Variants in CSF1R observed in about 807,000 individuals in gnomAD.
CSF1R encodes the protein colony stimulating factor 1 receptor.
A neutral mutation model predicts 110.0 loss-of-function variants in CSF1R; 40 were observed. That is an observed-to-expected ratio of 0.36 (90% CI 0.28 to 0.47). The LOEUF is 0.47. Ranked by LOEUF, CSF1R falls within the 20% of genes least tolerant of loss-of-function variation. The pLI is 0.99. For synonymous variants in CSF1R, 523 were observed against 503.4 expected (o/e 1.04, Z -0.52); for missense variants, 1,052 against 1,253.0 (o/e 0.84, Z 2.42).
chr5:150,057,197 C>T, intron 16 of CSF1R, 90 bp downstream of exon 16: 2 of 1,101,046 alleles, frequency 1.8e-6, no homozygotes, highest in Non-Finnish European at 2.7e-6. Flanking sequence ...CCCTCACAGG[C>T]TCCCGTTTCC....
chr5:150,103,698 C>A (rs1283126065), intron 1 of CSF1R, among the ~76,000 whole-genome samples: 1 of 152,164 alleles, frequency 6.6e-6, no homozygotes, highest in East Asian at 1.9e-4. Flanking sequence ...GGAGGAGCAG[C>A]AACCCTTCAG....
At position 150,070,496 on chromosome 5, in the gene CSF1R, T is replaced by A; in HGVS notation, c.1158A>T (p.Pro386=). 1 of 1,558,114 alleles carries A rather than the reference T, an allele frequency of 6.4e-7. No individual in the cohort carries two copies. The highest frequency in any genetic ancestry group is 8.7e-7 in the Non-Finnish European group (1 of 1,151,016). Residue 386 remains proline, a synonymous_variant, in exon 7 of 21, where the codon CCA becomes CCT. Coordinates refer to ENST00000675795, the MANE Select transcript of CSF1R (RefSeq NM_001288705.3). ...AGRYSFLARN[P]GGWRALTFEL... ...CAAACGTCAGAGCTCTCCAGCCTCC[T>A]GGGTTTCTGGCCAGGAAGGAGTAGC...
intron 6 of CSF1R, among the ~76,000 whole-genome samples, chr5:150,071,252 C>T (rs1172463100): frequency 6.6e-6 from 1 of 152,190 alleles, no homozygotes; most frequent in Non-Finnish European, 1.5e-5. Context: ...CAATAAAAAT[C>T]ATCTTTGGCT....
Position 150,061,455 on chromosome 5 carries a change from CCCCCATCCCTTCCCTCAT to C in CSF1R, c.1858+18_1858+35del. ...CCAGCCCACCCCCAGCATCTACCAC[CCCCCATCCCTTCCCTCAT>C]CCCCTCCCCTCACTCACACTTCAGC... is the stretch of plus-strand genomic sequence containing the variant. On this transcript the variant is annotated intron_variant, in intron 12 of 20. Transcript: ENST00000675795. 1 of 889,460 alleles carries C rather than the reference CCCCCATCCCTTCCCTCAT, an allele frequency of 1.1e-6. No individual in the cohort carries two copies. Among genetic ancestry groups the C allele is most frequent in the Non-Finnish European group, 1.7e-6 (1 of 597,826 alleles). The allele number at this position is 889,460 out of a possible 1,614,324, so 55.1% of individuals were successfully genotyped here. A position where few individuals can be genotyped will look rare whatever the true frequency, so the allele number is the denominator to read the frequency against.
intron 1 of CSF1R, among the ~76,000 whole-genome samples, chr5:150,099,742 G>C (rs1418421746): frequency 6.6e-6 from 1 of 151,536 alleles, no homozygotes; most frequent in African/African-American, 2.4e-5. Flanking sequence ...AGAACCGGCA[G>C]GGGGGTGGGG....
chr5:150,061,872 G>C, intron 10 of CSF1R, 23 bp from the exon 11 acceptor site: 1 of 1,613,904 alleles, frequency 6.2e-7, no homozygotes, highest in Non-Finnish European at 8.5e-7. Flanking sequence ...AAGGGAGCAC[G>C]TGGCAGTCGG....
intron 1 of CSF1R, among the ~76,000 whole-genome samples, chr5:150,109,036 AC>A (rs1287108916): frequency 7.2e-6 from 1 of 139,622 alleles, no homozygotes; most frequent in Non-Finnish European, 1.5e-5. Flanking sequence ...CGGCCCCAGA[AC>A]CCCATCCCAA....
chr5:150,065,745 A>G (rs1757741103), intron 10 of CSF1R, among the ~76,000 whole-genome samples: 1 of 152,174 alleles, frequency 6.6e-6, no homozygotes, highest in Non-Finnish European at 1.5e-5. Flanking sequence ...GGTAGCTGCA[A>G]GTCTTCTCGC....
In CSF1R at chr5:150,057,963, C is replaced by T. The variant is rs560665805; in HGVS notation, c.2133-371G>A. On this transcript the variant is annotated intron_variant, in intron 14 of 20. Transcript: ENST00000675795. ...CATATTCTAGGGCCCCTTGTGCCCT[C>T]TCTTCTCTGGACAGTGCCTCACACC... Among the ~76,000 whole-genome samples, 5 of 152,334 alleles carry T rather than the reference C, an allele frequency of 3.3e-5. No homozygotes were observed. The South Asian group carries it at 1.0e-3, about 32-fold the overall frequency.
intron 5 of CSF1R, among the ~76,000 whole-genome samples, chr5:150,075,427 C>T (rs1391151484): frequency 2.0e-5 from 3 of 152,202 alleles, no homozygotes; most frequent in Non-Finnish European, 4.4e-5. Flanking sequence ...CGCAGCCACA[C>T]TGGCCCACTT....
chr5:150,092,069 G>A (rs1345634436), intron 1 of CSF1R, among the ~76,000 whole-genome samples: 2 of 152,168 alleles, frequency 1.3e-5, no homozygotes, highest in Non-Finnish European at 2.9e-5. Flanking sequence ...GGACCAAATA[G>A]TAAGTATTTT....
intron 4 of CSF1R, 50 bp downstream of exon 4, chr5:150,078,062 G>A (rs765775082): frequency 3.1e-6 from 5 of 1,608,298 alleles, no homozygotes; most frequent in African/African-American, 2.7e-5. Context: ...GGGAAACCTG[G>A]TGTGCTGGGA....
intron 1 of CSF1R, among the ~76,000 whole-genome samples, chr5:150,108,595 T>C (rs902635556): frequency 6.6e-6 from 1 of 152,186 alleles, no homozygotes; most frequent in Non-Finnish European, 1.5e-5. Context: ...AATTTTCAGA[T>C]GTGGAAGCTT....
Position 150,080,929 on chromosome 5 carries a change from C to A in CSF1R, c.145G>T (p.Glu49Ter), listed in dbSNP as rs745585475. ...TLRCVGNGSV[E>*]WDGPPSPHWT... ...TGAGGTGATGGGGGGCCATCCCATT[C>A]CACGCTGCCATTGCCCACACATCGC... The change falls in exon 2 of 21, where the codon GAA becomes TAA. Residue 49 changes from glutamate (E) to a stop codon, truncating the protein, a stop_gained. Coordinates refer to ENST00000675795, the MANE Select transcript of CSF1R (RefSeq NM_001288705.3). LOFTEE classifies it high-confidence loss of function. The A allele has an allele frequency of 6.2e-7, 1 of 1,614,190 alleles. No individual in the cohort carries two copies. Among genetic ancestry groups the A allele is most frequent in the Non-Finnish European group, 8.5e-7 (1 of 1,180,032 alleles).
chr5:150,058,811 TC>T (rs1757368646), intron 14 of CSF1R, among the ~76,000 whole-genome samples: 1 of 152,024 alleles, frequency 6.6e-6, no homozygotes, highest in Admixed American at 6.6e-5. Flanking sequence ...TCTGATCCTG[TC>T]CTGACCCCAC....
intron 5 of CSF1R, chr5:150,076,764 C>T: frequency 4.5e-6 from 1 of 221,150 alleles, no homozygotes; most frequent in East Asian, 1.1e-4. Flanking sequence ...GCATATGTTC[C>T]TCCCTCTGCC....
At chr5:150,088,813 C>T (rs958459621), upstream of CSF1R, among the ~76,000 whole-genome samples, 2 of 152,106 alleles carry the variant, frequency 1.3e-5, no homozygotes, top group African/African-American at 2.4e-5. Flanking sequence ...GGATTACAGG[C>T]GTGAGCCACT....
At chr5:150,055,097 T>C (rs932362299) in intron 19 of CSF1R, 140 bp downstream of exon 19, 22 of 693,674 alleles carry the variant, frequency 3.2e-5, no homozygotes, top group African/African-American at 2.5e-4. Flanking sequence ...CAAAAGGGGC[T>C]TGTTGTGTCC....
intron 1 of CSF1R, among the ~76,000 whole-genome samples, chr5:150,112,342 G>T (rs1296070679): frequency 2.6e-5 from 4 of 152,242 alleles, no homozygotes; most frequent in Non-Finnish European, 4.4e-5. Flanking sequence ...ATGAGCTAAT[G>T]TGTGTGAAGC....
Sources: gnomAD v4.1 joint callset for allele counts (sites outside exome capture counted in the v4.1 genomes callset) on GRCh38, gnomAD v4.1.1 for gene constraint, MANE v1.5 for transcripts, NCBI Gene and HGNC (gene_info 2026-07-23, HGNC 2026-07-21) for gene names.